CDH20: variants seen among roughly 807,000 people sequenced by gnomAD.
CDH20 encodes cadherin-20.
CDH20 carries 29 observed loss-of-function variants against 74.2 expected under a neutral mutation model. The ratio of observed to expected loss-of-function variants is 0.39; its 90% CI spans 0.29 to 0.53. The LOEUF (loss-of-function observed/expected upper bound fraction) is 0.53. Ranked by LOEUF, CDH20 falls within the 20% of genes least tolerant of loss-of-function variation. The probability of loss-of-function intolerance (pLI) is 0.69; values close to 1 mark genes in which losing one functional copy is unlikely to be tolerated. For missense variants in CDH20, 988 were observed against 1,048.3 expected, an observed-to-expected ratio of 0.94 and a Z score of 0.79; for synonymous variants, 469 against 405.4, an observed-to-expected ratio of 1.16 and a Z score of -1.88.
chr18:61,498,463 G>T (rs911531273), intron 2 of CDH20, among the ~76,000 whole-genome samples: 1 of 150,908 alleles, frequency 6.6e-6, no homozygotes, highest in African/African-American at 2.4e-5. Context: ...TCAGATAAAA[G>T]CATGTCCCTA....
chr18:61,421,125 T>C (rs558941781), intron 1 of CDH20, among the ~76,000 whole-genome samples: 9 of 152,272 alleles, frequency 5.9e-5, no homozygotes, highest in African/African-American at 2.2e-4. Context: ...CCTTGCTCTT[T>C]CCAAACTTAA....
intron 1 of CDH20, among the ~76,000 whole-genome samples, chr18:61,445,761 C>G (rs75642847): frequency 6.6e-6 from 1 of 152,130 alleles, no homozygotes; most frequent in South Asian, 2.1e-4. Context: ...CAACTATAAT[C>G]ATTTATCTTT....
chr18:61,518,187 G>T lies in CDH20; in HGVS notation c.1018-9780G>T, dbSNP rs908511596. Among the ~76,000 whole-genome samples the T allele has an allele frequency of 2.6e-5, 4 of 152,042 alleles. No homozygotes were observed. In the East Asian group the frequency reaches 5.8e-4, roughly 22 times the overall value. ...CACCTGGGGGAAGGGGTGGCTGTGG[G>T]CACAGCTTCAGCAGACTTAAATGCT... On this transcript the variant is annotated intron_variant, in intron 6 of 11. Transcript: ENST00000262717.
chr18:61,419,184 C>T (rs556422526), intron 1 of CDH20, among the ~76,000 whole-genome samples: 5 of 152,096 alleles, frequency 3.3e-5, no homozygotes, highest in African/African-American at 9.7e-5. Context: ...CTACCTCAGC[C>T]GCCCGAGAAG....
chr18:61,538,617 TTTGTTTTG>T lies in CDH20; in HGVS notation c.1409-404_1409-397del, dbSNP rs1568182185. ...GTTTGTTTTTGTTTTTGTTTTTGTTTTTGTTTTGTTTTTTTTTTTGAGACGGAGTCTTA... is the reference window on the plus strand; with the variant it reads ...GTTTGTTTTTGTTTTTGTTTTTGTTTTTTTTTTTTTTGAGACGGAGTCTTA... On this transcript the variant is annotated intron_variant, in intron 8 of 11. Transcript: ENST00000262717. Among the ~76,000 whole-genome samples the T allele has an allele frequency of 6.3e-3, 329 of 52,164 alleles. 88 individuals carry two copies. In the East Asian group the frequency reaches 0.23, roughly 36 times the overall value. 34.2% of individuals were successfully genotyped at this position (52,164 alleles called of 152,430 possible).
intron 1 of CDH20, among the ~76,000 whole-genome samples, chr18:61,433,933 C>CA (rs1259018441): frequency 5.3e-5 from 8 of 152,080 alleles, no homozygotes; most frequent in African/African-American, 1.9e-4. Flanking sequence ...GCAGTAGAAT[C>CA]AATACAACAC....
intron 1 of CDH20, among the ~76,000 whole-genome samples, chr18:61,429,804 C>G (rs1381654430): frequency 6.6e-6 from 1 of 152,194 alleles, no homozygotes; most frequent in Non-Finnish European, 1.5e-5. Context: ...CATCCCTTCC[C>G]AGATAAACAG....
intron 1 of CDH20, among the ~76,000 whole-genome samples, chr18:61,335,220 A>G (rs1271038720): frequency 6.6e-6 from 1 of 152,156 alleles, no homozygotes; most frequent in African/African-American, 2.4e-5. Flanking sequence ...ATAACCTGGG[A>G]AAATCTTTTC....
intron 1 of CDH20, among the ~76,000 whole-genome samples, chr18:61,482,295 G>T (rs1424740681): frequency 1.3e-5 from 2 of 152,142 alleles, no homozygotes; most frequent in East Asian, 3.9e-4. Flanking sequence ...TTATCACGTT[G>T]GCTCTAACTA....
chr18:61,545,106 C>T lies in CDH20; in HGVS notation c.1610C>T (p.Ala537Val), dbSNP rs1372699801. 6.2e-7 allele frequency: 1 copy of T among 1,613,488 alleles called. No individual in the cohort carries two copies. The highest frequency in any genetic ancestry group is 8.5e-7 in the Non-Finnish European group (1 of 1,179,582). The change falls in exon 10 of 12, where the codon GCT (alanine) becomes GTT (valine). Residue 537 changes from alanine to valine, a missense_variant. By Grantham distance (64) the Ala-to-Val change is moderately conservative. This residue lies in a region of CDH20 where 613 missense variants were observed against 755.2 expected (regional missense o/e 0.81). Transcript: ENST00000262717. The stretch of plus-strand genomic sequence containing the variant: ...TTCTACTACAGCTTGGCTCCTGAGG[C>T]TGCTAACAACCCCAACTTTACCATA... ...QHFYYSLAPE[A>V]ANNPNFTIRD...
chr18:61,404,866 C>A, intron 1 of CDH20: 4 of 447,322 alleles, frequency 8.9e-6, no homozygotes, highest in Non-Finnish European at 8.1e-6. Flanking sequence ...GTTTATTTTT[C>A]ACCAGTCTGT....
chr18:61,367,986 C>G (rs1910913059), intron 1 of CDH20, among the ~76,000 whole-genome samples: 1 of 152,116 alleles, frequency 6.6e-6, no homozygotes, highest in Non-Finnish European at 1.5e-5. Flanking sequence ...TTAGGACTTA[C>G]TCTGATGACC....
intron 1 of CDH20, among the ~76,000 whole-genome samples, chr18:61,463,297 A>G (rs549812461): frequency 3.3e-5 from 5 of 152,260 alleles, no homozygotes; most frequent in East Asian, 3.9e-4. Flanking sequence ...AAGAGAATCA[A>G]TGGCTGATAG....
Position 61,527,948 on chromosome 18 carries a change from T to C in CDH20, c.1018-19T>C. The C allele has an allele frequency of 6.2e-7, 1 of 1,613,360 alleles. No homozygotes were observed. The highest frequency in any genetic ancestry group is 8.5e-7 in the Non-Finnish European group (1 of 1,179,458). ...TTGAACCTCAGTGGCGAATCAATTT[T>C]CCTGTCATTGCTTTTCAGCCCCTGA... On this transcript the variant is annotated intron_variant, in intron 6 of 11. Transcript: ENST00000262717.
chr18:61,359,550 C>T (rs1217227208), intron 1 of CDH20, among the ~76,000 whole-genome samples: 3 of 152,058 alleles, frequency 2.0e-5, no homozygotes, highest in Admixed American at 6.6e-5. Flanking sequence ...GGGTGGGGAG[C>T]ATGGATTATG....
chr18:61,548,819 T>C (rs1913338685), intron 10 of CDH20, among the ~76,000 whole-genome samples: 1 of 152,234 alleles, frequency 6.6e-6, no homozygotes, highest in African/African-American at 2.4e-5. Context: ...AAATCACTAT[T>C]GCTCATCAAC....
chr18:61,550,472 C>G (rs562148461), intron 11 of CDH20, among the ~76,000 whole-genome samples: 1 of 152,360 alleles, frequency 6.6e-6, no homozygotes, highest in Non-Finnish European at 1.5e-5. Context: ...TGGGGCACCA[C>G]ACAAGGTGCT....
At chr18:61,352,868 T>C (rs1198394836) in intron 1 of CDH20, among the ~76,000 whole-genome samples, 1 of 152,242 alleles carries the variant, frequency 6.6e-6, no homozygotes, top group Non-Finnish European at 1.5e-5. Context: ...GTTTCATTCA[T>C]AGAAGTTCTC....
At chr18:61,420,489 A>G (rs1014871444) in intron 1 of CDH20, among the ~76,000 whole-genome samples, 1 of 151,906 alleles carries the variant, frequency 6.6e-6, no homozygotes, top group Non-Finnish European at 1.5e-5. Flanking sequence ...ATTCAGCTCT[A>G]CTTCATGCGT....
Sources: allele counts gnomAD v4.1 joint callset (sites outside exome capture counted in the v4.1 genomes callset), GRCh38; gene constraint gnomAD v4.1.1; regional missense constraint gnomAD v4.1.1; transcripts MANE v1.5; gene names NCBI Gene and HGNC (gene_info 2026-07-23, HGNC 2026-07-21).